MLLT6: variants seen among roughly 807,000 people sequenced by gnomAD.
MLLT6 encodes the protein MLLT6, PHD finger containing.
Under a neutral mutation model 103.0 loss-of-function variants are expected in MLLT6, and 22 were observed. The observed-to-expected ratio is 0.21, with a 90% CI of 0.15 to 0.31. The LOEUF is 0.31. MLLT6 is among the 10% of genes least tolerant of loss of function. MLLT6 has a pLI of 1.00. For synonymous variants in MLLT6, 606 were observed against 623.5 expected, an observed-to-expected ratio of 0.97 and a Z score of 0.42; for missense variants, 1,199 against 1,441.7, an observed-to-expected ratio of 0.83 and a Z score of 2.73.
At position 38,716,607 on chromosome 17, in the gene MLLT6, A is replaced by C. The variant is rs1478195083; in HGVS notation, c.1277A>C (p.Asp426Ala). The C allele has an allele frequency of 6.2e-7, 1 of 1,613,900 alleles. No homozygotes were observed. Among genetic ancestry groups the C allele is most frequent in the Admixed American group, 1.7e-5 (1 of 60,026 alleles). The change falls in exon 10 of 20, where the codon GAC becomes GCC. Residue 426 changes from aspartate (D) to alanine (A), a missense_variant. Asp to Ala is a moderately radical substitution (Grantham distance 126, BLOSUM62 -2). This residue lies in a region of MLLT6 where 1,034 missense variants were observed against 1,091.5 expected (regional missense o/e 0.95). Coordinates refer to ENST00000621332, the MANE Select transcript of MLLT6 (RefSeq NM_005937.4). This position sits in a 1 kb window ranked among gnomAD's most constrained non-coding sequence, Gnocchi z 5.6. The part of the protein sequence containing the change: ...SGRARAPSPG[D>A]YKSPHVTGSG... ...CGGGCCCGGGCGCCCTCCCCTGGGGACTATAAGTCTCCCCACGTCACGGGG... is the reference window on the plus strand; with the variant it reads ...CGGGCCCGGGCGCCCTCCCCTGGGGCCTATAAGTCTCCCCACGTCACGGGG...
intron 17 of MLLT6, 44 bp from the exon 18 acceptor site, chr17:38,722,634 T>TGGGGGGGGGGGTGTGGGGGGGGGG: frequency 1.9e-6 from 1 of 532,162 alleles, no homozygotes; most frequent in Non-Finnish European, 3.6e-6. Flanking sequence ...CCCTCCCCCA[T>TGGGGGGGGGGGTGTGGGGGGGGGG]GGTCTGTGTG....
At chr17:38,708,116 C>A (rs937473414) in intron 4 of MLLT6, 1 of 532,120 alleles carries the variant, frequency 1.9e-6, no homozygotes, top group African/African-American at 1.9e-5. Flanking sequence ...GCAGTTACTT[C>A]ATTCATTCAT....
chr17:38,720,615 G>A (rs764934899), intron 15 of MLLT6, 44 bp from the exon 16 acceptor site: 78 of 1,613,040 alleles, frequency 4.8e-5, no homozygotes, highest in Non-Finnish European at 6.4e-5. Flanking sequence ...GTGCCCTGAA[G>A]TCCGGACTGG....
intron 1 of MLLT6, 163 bp downstream of exon 1, chr17:38,705,904 A>C: frequency 3.5e-6 from 1 of 282,478 alleles, no homozygotes; most frequent in Non-Finnish European, 6.5e-6. Context: ...CGGTCCTGGA[A>C]GACCGGGTCA....
chr17:38,724,681 G>C lies in MLLT6; in HGVS notation c.2945G>C (p.Arg982Pro). 1 of 1,612,682 alleles carries C rather than the reference G, an allele frequency of 6.2e-7. No homozygotes were observed. Among genetic ancestry groups the C allele is most frequent in the South Asian group, 1.1e-5 (1 of 91,008 alleles). ...QQIQQKRELQ[R>P]LQMAGGSQLP... ...ATCCAGCAGAAACGGGAGCTGCAGC[G>C]CCTGCAGATGGCTGGGGGCTCCCAG... Residue 982 changes from arginine to proline, a missense_variant, in exon 19 of 20, where the codon CGC becomes CCC. Around this residue, in one of 7 missense-constraint regions of MLLT6, gnomAD observed 1,034 missense variants for 1,091.5 expected, o/e 0.95. Coordinates refer to ENST00000621332, the MANE Select transcript of MLLT6 (RefSeq NM_005937.4). The surrounding 1 kb of genome is among the most constrained non-coding windows in gnomAD (Gnocchi z 5.4).
intron 1 of MLLT6, 37 bp downstream of exon 1, chr17:38,705,778 G>C: frequency 9.1e-7 from 1 of 1,094,972 alleles, no homozygotes; most frequent in Non-Finnish European, 1.2e-6. Context: ...CGGGACCCCG[G>C]GGGCGGCGTG....
chr17:38,717,473 G>A lies in MLLT6; in HGVS notation c.1693G>A (p.Gly565Arg), dbSNP rs982994615. ...TAAGGACCCCATCTCCCACAGTGGCGGGATGCTGCGGGCTGTCTGCAGCAC... is the reference window on the plus strand; with the variant it reads ...TAAGGACCCCATCTCCCACAGTGGCAGGATGCTGCGGGCTGTCTGCAGCAC... The part of the protein sequence containing the change: ...SNKDPISHSG[G>R]MLRAVCSTPL... The change falls in exon 11 of 20, where the codon GGG becomes AGG. Residue 565 changes from glycine to arginine, a missense_variant. Coordinates refer to ENST00000621332, the MANE Select transcript of MLLT6 (RefSeq NM_005937.4). The A allele has an allele frequency of 5.2e-5, 84 of 1,611,048 alleles. No individual in the cohort carries two copies. Among genetic ancestry groups the A allele is most frequent in the Non-Finnish European group, 6.9e-5 (81 of 1,178,680 alleles).
chr17:38,719,630 A>T lies in MLLT6; in HGVS notation c.2009+47A>T, dbSNP rs1182739209. 11 of 1,573,318 alleles carry T rather than the reference A, an allele frequency of 7.0e-6. No homozygotes were observed. In the Admixed American group the frequency reaches 2.0e-4, roughly 28 times the overall value. Reference sequence around the variant, plus strand: ...AGGAGGGGCTGGGGGCAGGAGGGACACCCGAGGGAGGAGGGACGGAGAGAC... The same window carrying T: ...AGGAGGGGCTGGGGGCAGGAGGGACTCCCGAGGGAGGAGGGACGGAGAGAC... On this transcript the variant is annotated intron_variant, in intron 13 of 19. Coordinates refer to ENST00000621332, the MANE Select transcript of MLLT6 (RefSeq NM_005937.4).
intron 8 of MLLT6, chr17:38,714,437 C>T (rs1250348117): frequency 1.3e-5 from 2 of 152,286 alleles, no homozygotes; most frequent in Non-Finnish European, 2.9e-5. Context: ...AGACTTTGCA[C>T]AGTATAACAT....
In MLLT6 at chr17:38,711,841, C is replaced by T. The variant is rs1177410146; in HGVS notation, c.553-6C>T. On this transcript the variant is annotated splice_polypyrimidine_tract_variant and splice_region_variant and intron_variant, in intron 6 of 19. Transcript: ENST00000621332. ...GTTTGCAATTTCTCTCAAATCTCTC[C>T]CGCAGAAGACATCCCGGCACAGCAG... is the stretch of plus-strand genomic sequence containing the variant. The T allele has an allele frequency of 3.9e-6, 6 of 1,538,718 alleles. No homozygotes were observed. In the South Asian group the frequency reaches 7.5e-5, roughly 19 times the overall value.
At chr17:38,722,648 T>TGGCC in intron 17 of MLLT6, 30 bp from the exon 18 acceptor site, 1 of 441,544 alleles carries the variant, frequency 2.3e-6, no homozygotes, top group Non-Finnish European at 4.1e-6. Flanking sequence ...CTGTGTGTTG[T>TGGCC]CCCCCCCCCA....
rs1007787097 is a variant in MLLT6 at position 38,722,012 on chromosome 17, G to A, written c.2577G>A (p.Pro859=). 58 of 1,478,094 alleles carry A rather than the reference G, an allele frequency of 3.9e-5. No individual in the cohort carries two copies. Among genetic ancestry groups the A allele is most frequent in the Admixed American group, 3.5e-4 (16 of 45,298 alleles). 91.6% of individuals were successfully genotyped at this position (1,478,094 alleles called of 1,614,324 possible). A position where few individuals can be genotyped will look rare whatever the true frequency, so the allele number is the denominator to read the frequency against. Reference sequence around the variant, plus strand: ...TGCCTGGGGCCCCTGCCCCACTCCCGCCCCAGCCGCAGAACGGGTTGGGCC... The same window carrying A: ...TGCCTGGGGCCCCTGCCCCACTCCCACCCCAGCCGCAGAACGGGTTGGGCC... The part of the protein sequence containing the change: ...LALPGAPAPL[P]PQPQNGLGRA... Residue 859 remains proline (P), a synonymous_variant, in exon 17 of 20, where the codon CCG becomes CCA. Transcript: ENST00000621332.
At chr17:38,722,799 C>T in intron 18 of MLLT6, 31 bp downstream of exon 18, 1 of 1,517,548 alleles carries the variant, frequency 6.6e-7, no homozygotes, top group Non-Finnish European at 9.1e-7. Context: ...GCCTCAGGTG[C>T]CCCTTGGTCT....
intron 2 of MLLT6, 106 bp from the exon 3 acceptor site, chr17:38,707,380 C>A: frequency 5.9e-6 from 6 of 1,022,940 alleles, no homozygotes; most frequent in Non-Finnish European, 8.9e-6. Flanking sequence ...GTAGCCCCAT[C>A]CATCCACCCT....
In MLLT6 at chr17:38,727,632, G is replaced by A. The variant is rs566903248; in HGVS notation, c.*2034G>A. ...AGCCTGGCCAACATGGTGAAACCCC[G>A]TCTCTATCAAAAATTAGCCGGGCAT... On this transcript the variant is annotated 3_prime_UTR_variant, in exon 20 of 20. Transcript: ENST00000621332. The A allele has an allele frequency of 1.6e-4, 31 of 190,080 alleles. No homozygotes were observed. Among genetic ancestry groups the A allele is most frequent in the South Asian group, 7.8e-4 (4 of 5,116 alleles). The allele number at this position is 190,080 out of a possible 1,614,324, so 11.8% of individuals were successfully genotyped here. A position where few individuals can be genotyped will look rare whatever the true frequency, so the allele number is the denominator to read the frequency against.
At chr17:38,723,335 A>G (rs930050762) in intron 18 of MLLT6, among the ~76,000 whole-genome samples, 1 of 152,114 alleles carries the variant, frequency 6.6e-6, no homozygotes. Context: ...CTGAGTCTCT[A>G]CAAAAAATTA....
chr17:38,716,732 C>T lies in MLLT6; in HGVS notation c.1402C>T (p.His468Tyr). The T allele has an allele frequency of 6.2e-7, 1 of 1,609,530 alleles. No individual in the cohort carries two copies. The highest frequency in any genetic ancestry group is 8.5e-7 in the Non-Finnish European group (1 of 1,178,202). ...TGAGACAGGCCTGAAGGAGAAGAAG[C>T]ACAAAGCCAGCAAGAGGAGCCGCCA... ...TPETGLKEKKHKASKRSRHGP... is the reference protein window; with the variant it reads ...TPETGLKEKKYKASKRSRHGP... The change falls in exon 10 of 20, where the codon CAC (histidine) becomes TAC (tyrosine). Residue 468 changes from histidine to tyrosine, a missense_variant. Coordinates refer to ENST00000621332, the MANE Select transcript of MLLT6 (RefSeq NM_005937.4). The surrounding 1 kb of genome is among the most constrained non-coding windows in gnomAD (Gnocchi z 5.6).
At position 38,719,733 on chromosome 17, in the gene MLLT6, GT is replaced by G; in HGVS notation, c.2010-15del. Reference sequence around the variant, plus strand: ...GAGTGGTCGGGTCGACTGAACCCAGGTTCCCTCTGGCCGCAGGTCCCCCATC... The same window carrying G: ...GAGTGGTCGGGTCGACTGAACCCAGGTCCCTCTGGCCGCAGGTCCCCCATC... On this transcript the variant is annotated splice_polypyrimidine_tract_variant and intron_variant, in intron 13 of 19. Transcript: ENST00000621332. 6.2e-7 allele frequency: 1 copy of G among 1,603,298 alleles called. No individual in the cohort carries two copies. The highest frequency in any genetic ancestry group is 8.5e-7 in the Non-Finnish European group (1 of 1,173,066).
At position 38,724,238 on chromosome 17, in the gene MLLT6, A is replaced by G. The variant is rs1905907489; in HGVS notation, c.2884-382A>G. 1 of 176,372 alleles carries G rather than the reference A, an allele frequency of 5.7e-6. No homozygotes were observed. Among genetic ancestry groups the G allele is most frequent in the Non-Finnish European group, 1.2e-5 (1 of 84,642 alleles). 10.9% of individuals were successfully genotyped at this position (176,372 alleles called of 1,614,324 possible). A position where few individuals can be genotyped will look rare whatever the true frequency, so the allele number is the denominator to read the frequency against. Reference sequence around the variant, plus strand: ...ACCACTGTACTCCAGCCTGGGTGACAGAGCAAGACTCCGTCTCACAAAAAG... The same window carrying G: ...ACCACTGTACTCCAGCCTGGGTGACGGAGCAAGACTCCGTCTCACAAAAAG... On this transcript the variant is annotated intron_variant, in intron 18 of 19. Transcript: ENST00000621332. The surrounding 1 kb of genome is among the most constrained non-coding windows in gnomAD (Gnocchi z 5.4).
Sources: allele counts gnomAD v4.1 joint callset (sites outside exome capture counted in the v4.1 genomes callset), GRCh38; gene constraint gnomAD v4.1.1; regional missense constraint gnomAD v4.1.1; non-coding constraint Gnocchi (gnomAD v3.1); transcripts MANE v1.5; gene names NCBI Gene and HGNC (gene_info 2026-07-23, HGNC 2026-07-21).